Variants in GDF5 observed in about 807,000 individuals in gnomAD.
The protein encoded by GDF5 is growth/differentiation factor 5.
A neutral mutation model predicts 34.6 loss-of-function variants in GDF5; 17 were observed. The observed-to-expected ratio is 0.49, with a 90% confidence interval of 0.34 to 0.74. The LOEUF (loss-of-function observed/expected upper bound fraction) is 0.74. GDF5 is among the 30% of genes least tolerant of loss of function. The pLI is 0.01. For missense variants in GDF5, 616 were observed against 661.2 expected (o/e 0.93, Z 0.75); for synonymous variants, 332 against 290.7 (o/e 1.14, Z -1.44).
chr20:35,436,452 G>A (rs2062473199), intron 1 of GDF5, among the ~76,000 whole-genome samples: 1 of 148,568 alleles, frequency 6.7e-6, no homozygotes, highest in Non-Finnish European at 1.5e-5. Context: ...GCGACCAACA[G>A]CCCACCTCCC....
At chr20:35,440,505 G>A (rs1345003861), upstream of GDF5, among the ~76,000 whole-genome samples, 1 of 151,880 alleles carries the variant, frequency 6.6e-6, no homozygotes, top group East Asian at 1.9e-4. Flanking sequence ...GGCTCTCTCT[G>A]GTTCAACCCT....
chr20:35,437,152 G>A, intron 1 of GDF5, 146 bp downstream of exon 1: 3 of 650,022 alleles, frequency 4.6e-6, no homozygotes, highest in Non-Finnish European at 8.1e-6. Flanking sequence ...CTATGTGTGA[G>A]ATATGTGTCA....
At chr20:35,435,106 C>T in intron 1 of GDF5, 3 of 601,212 alleles carry the variant, frequency 5.0e-6, no homozygotes, top group Non-Finnish European at 6.1e-6. Context: ...CTCTCCCAGC[C>T]ATGAGCTAAC....
At chr20:35,451,410 T>G (rs2062533104) in intron 1 of GDF5, among the ~76,000 whole-genome samples, 1 of 151,934 alleles carries the variant, frequency 6.6e-6, no homozygotes, top group Non-Finnish European at 1.5e-5. Flanking sequence ...CTTTGAGAAC[T>G]CCCCAGTCTG....
In GDF5 at chr20:35,435,823, G is replaced by A. The variant is rs535876346; in HGVS notation, c.632-1040C>T. On this transcript the variant is annotated intron_variant, in intron 1 of 1. Coordinates refer to ENST00000374369, the MANE Select transcript of GDF5 (RefSeq NM_000557.5). ...TATGTGAATATGAAAGAGTGTATAC[G>A]TTAATGACGCATTATATGTATAAAT... 7.0e-4 allele frequency among the ~76,000 whole-genome samples: 107 copies of A among 152,246 alleles called. 1 individual carries two copies. Among genetic ancestry groups the A allele is most frequent in the Non-Finnish European group, 9.6e-4 (65 of 68,022 alleles).
Position 35,434,370 on chromosome 20 carries a change from T to C in GDF5, c.1045A>G (p.Lys349Glu). The change falls in exon 2 of 2, where the codon AAG (lysine) becomes GAG (glutamate). Residue 349 changes from lysine to glutamate, a missense_variant. Lys to Glu is a moderately conservative substitution (Grantham distance 56). Transcript: ENST00000374369. The stretch of plus-strand genomic sequence containing the variant: ...TCATTAAAGAACAGGTCCCGTTTCT[T>C]GGTGCGGCCAAACACCAGGAACAGG... ...KALFLVFGRT[K>E]KRDLFFNEIK... The C allele has an allele frequency of 1.2e-6, 2 of 1,613,726 alleles. No individual in the cohort carries two copies. The highest frequency in any genetic ancestry group is 1.7e-6 in the Non-Finnish European group (2 of 1,179,984).
chr20:35,434,543 C>T lies in GDF5; in HGVS notation c.872G>A (p.Trp291Ter). Residue 291 changes from tryptophan (W) to a stop codon, truncating the protein, a stop_gained, in exon 2 of 2, where the codon TGG (tryptophan) becomes TAG (stop). Transcript: ENST00000374369. LOFTEE classifies it high-confidence loss of function. ...GAGCTTCCAGATGTCGAACACCTCC[C>T]AGCCAGATCCGTCCAGGCCTGGCAC... The part of the protein sequence containing the change: ...RSVPGLDGSG[W>*]EVFDIWKLFR... The T allele has an allele frequency of 1.3e-6, 2 of 1,598,584 alleles. No homozygotes were observed. Among genetic ancestry groups the T allele is most frequent in the Non-Finnish European group, 1.7e-6 (2 of 1,171,688 alleles).
At chr20:35,451,669 C>T (rs998578054) in intron 1 of GDF5, among the ~76,000 whole-genome samples, 1 of 151,026 alleles carries the variant, frequency 6.6e-6, no homozygotes, top group African/African-American at 2.4e-5. Flanking sequence ...GCAGCCTCGA[C>T]CTCCTGGGCT....
In GDF5 at chr20:35,433,722, G is replaced by A. The variant is rs2062453074; in HGVS notation, c.*187C>T. 4 of 670,918 alleles carry A rather than the reference G, an allele frequency of 6.0e-6. No individual in the cohort carries two copies. In the South Asian group the frequency reaches 6.5e-5, roughly 11 times the overall value. 41.6% of individuals were successfully genotyped at this position (670,918 alleles called of 1,614,324 possible). On this transcript the variant is annotated 3_prime_UTR_variant, in exon 2 of 2. Transcript: ENST00000374369. ...GACGGGCAGCAATCCTCAGCCAGGG[G>A]AACTTGTGGATAAAAGGGGGCCTTT...
chr20:35,436,013 T>C (rs1359635413), intron 1 of GDF5, among the ~76,000 whole-genome samples: 2 of 152,302 alleles, frequency 1.3e-5, no homozygotes, highest in East Asian at 3.9e-4. Flanking sequence ...AGCATGCATG[T>C]ACATGTGTGA....
At chr20:35,450,533 G>C (rs748017309) in intron 1 of GDF5, among the ~76,000 whole-genome samples, 1 of 152,056 alleles carries the variant, frequency 6.6e-6, no homozygotes, top group Non-Finnish European at 1.5e-5. Flanking sequence ...CAGTGTAATA[G>C]CTGGCTTAGT....
rs181599161 is a variant in GDF5, at chr20:35,444,850, C to G, written c.-397-3463G>C. 1.7e-4 allele frequency among the ~76,000 whole-genome samples: 26 copies of G among 152,284 alleles called. 1 individual carries two copies. In the East Asian group the frequency reaches 4.8e-3, roughly 28 times the overall value. On this transcript the variant is annotated intron_variant, in intron 1 of 3. Coordinates refer to the GDF5 transcript ENST00000374372. ...CCTCCTGATCTGCCCACCTAGGCCT[C>G]CCAAAGTGCTGGGATTACAGGCATG...
At chr20:35,445,956 C>A (rs990072484) in intron 1 of GDF5, among the ~76,000 whole-genome samples, 3 of 149,920 alleles carry the variant, frequency 2.0e-5, no homozygotes, top group Non-Finnish European at 3.0e-5. Flanking sequence ...GCAACAAGAG[C>A]AAAACTCTGT....
At chr20:35,447,508 GTA>G (rs973260255) in intron 1 of GDF5, among the ~76,000 whole-genome samples, 5 of 152,192 alleles carry the variant, frequency 3.3e-5, no homozygotes, top group African/African-American at 1.2e-4. Flanking sequence ...GCTGGAAATT[GTA>G]TGTGAGTGTT....
intron 1 of GDF5, 92 bp from the exon 2 acceptor site, chr20:35,434,875 G>A (rs751834888): frequency 8.8e-6 from 11 of 1,256,154 alleles, no homozygotes; most frequent in South Asian, 2.4e-5. Context: ...CTCTCTCCCA[G>A]TCCAGAGAGC....
chr20:35,443,455 G>C (rs544957066), intron 1 of GDF5, among the ~76,000 whole-genome samples: 55 of 152,144 alleles, frequency 3.6e-4, no homozygotes, highest in African/African-American at 1.3e-3. Context: ...CCCATCCATT[G>C]TCTCATTGCT....
Position 35,434,620 on chromosome 20 carries a change from C to A in GDF5, c.795G>T (p.Leu265=). The A allele has an allele frequency of 6.2e-7, 1 of 1,601,944 alleles. No individual in the cohort carries two copies. Among genetic ancestry groups the A allele is most frequent in the Non-Finnish European group, 8.5e-7 (1 of 1,171,818 alleles). ...PGGGRAAQLK[L]SSCPSGRQPA... ...GCTGCCGGCCGCTGGGGCAGCTGGA[C>A]AGCTTCAGCTGGGCAGCCCGCCCGC... The change falls in exon 2 of 2, where the codon CTG becomes CTT. Residue 265 remains leucine (L), a synonymous_variant. Transcript: ENST00000374369.
intron 1 of GDF5, among the ~76,000 whole-genome samples, chr20:35,451,076 T>TATATATATAA (rs2062531346): frequency 4.0e-4 from 17 of 42,676 alleles, no homozygotes; most frequent in African/African-American, 3.7e-3. Flanking sequence ...TATATATATA[T>TATATATATAA]ATATATATAT....
intron 1 of GDF5, among the ~76,000 whole-genome samples, chr20:35,449,772 C>T (rs1403794143): frequency 4.0e-5 from 6 of 151,760 alleles, no homozygotes; most frequent in Non-Finnish European, 8.8e-5. Context: ...TTGCTTGATG[C>T]CAGGAATTCA....
Sources: gnomAD v4.1 joint callset for allele counts (sites outside exome capture counted in the v4.1 genomes callset) on GRCh38, gnomAD v4.1.1 for gene constraint, MANE v1.5 for transcripts, NCBI Gene and HGNC (gene_info 2026-07-23, HGNC 2026-07-21) for gene names.